The following EFCAB13 variants were observed in gnomAD, a reference collection of about 807,000 sequenced individuals.
EFCAB13 encodes EF-hand calcium binding domain 13.
In EFCAB13, 91 loss-of-function variants were observed where a neutral mutation model predicts 110.2. The ratio of observed to expected loss-of-function variants is 0.83; its 90% CI spans 0.70 to 0.98. EFCAB13 has a LOEUF of 0.98. EFCAB13 is among the 50% of genes least tolerant of loss of function. The pLI is 0.00. For missense variants in EFCAB13, 968 were observed against 1,119.4 expected (o/e 0.86, Z 1.93); for synonymous variants, 323 against 369.9 (o/e 0.87, Z 1.45).
rs138631781 is a variant in EFCAB13 at position 47,378,322 on chromosome 17, A to G, written c.1510+419A>G. ...AATACGGGGGAATTTAGAGCCAGGT[A>G]TGCTTAGCAGTTAACATTTAGATGT... On this transcript the variant is annotated intron_variant, in intron 13 of 24. Coordinates refer to ENST00000331493, the MANE Select transcript of EFCAB13 (RefSeq NM_152347.5). 1.5e-3 allele frequency among the ~76,000 whole-genome samples: 235 copies of G among 152,348 alleles called. 1 individual carries two copies. The highest frequency in any genetic ancestry group is 5.4e-3 in the African/African-American group (224 of 41,588).
chr17:47,345,130 A>G (rs1339157565), intron 8 of EFCAB13, 32 bp downstream of exon 8: 2 of 1,480,616 alleles, frequency 1.4e-6, no homozygotes, highest in African/African-American at 1.4e-5. Context: ...TCTTGAATAC[A>G]TTTCCTGGTT....
At chr17:47,400,609 C>T (rs1204863957) in intron 17 of EFCAB13, among the ~76,000 whole-genome samples, 2 of 151,072 alleles carry the variant, frequency 1.3e-5, no homozygotes, top group East Asian at 3.9e-4. Context: ...TTGCCTCTCT[C>T]CCTCCCTTCC....
chr17:47,361,340 C>A, intron 9 of EFCAB13, 38 bp from the exon 10 acceptor site: 1 of 1,598,684 alleles, frequency 6.3e-7, no homozygotes, highest in Non-Finnish European at 8.5e-7. Context: ...CCAAGAAAAG[C>A]TGTTGATTCT....
rs1185635132 is a variant in EFCAB13 at position 47,351,311 on chromosome 17, G to A, written c.661+3360G>A. ...TGTGTGTGTGTGTGTGTGTGCGCGC[G>A]CGCGCGCGCGCGCGCGCCACGTTTT... is the stretch of plus-strand genomic sequence containing the variant. On this transcript the variant is annotated intron_variant, in intron 9 of 24. Transcript: ENST00000331493. Among the ~76,000 whole-genome samples, 5 of 111,444 alleles carry A rather than the reference G, an allele frequency of 4.5e-5. 1 individual carries two copies. The highest frequency in any genetic ancestry group is 1.6e-4 in the African/African-American group (5 of 31,520). The allele number at this position is 111,444 out of a possible 152,430, so 73.1% of individuals were successfully genotyped here.
At chr17:47,344,392 G>T in intron 7 of EFCAB13, 100 bp downstream of exon 7, 2 of 1,372,552 alleles carry the variant, frequency 1.5e-6, no homozygotes, top group Non-Finnish European at 2.0e-6. Flanking sequence ...ATATGAAGTA[G>T]TTTATGCTAA....
chr17:47,405,793 G>T (rs940127861), intron 20 of EFCAB13, among the ~76,000 whole-genome samples: 2 of 151,096 alleles, frequency 1.3e-5, no homozygotes, highest in Non-Finnish European at 1.5e-5. Flanking sequence ...TATCTTTAGC[G>T]TTTCTATTTA....
chr17:47,357,301 G>A (rs866056342), intron 9 of EFCAB13, among the ~76,000 whole-genome samples: 70 of 152,306 alleles, frequency 4.6e-4, no homozygotes, highest in Middle Eastern at 3.4e-3. Flanking sequence ...AAAAGTTCAC[G>A]ATGTGAGTGT....
chr17:47,344,146 T>C lies in EFCAB13; in HGVS notation c.304-16T>C. On this transcript the variant is annotated splice_polypyrimidine_tract_variant and intron_variant, in intron 6 of 24. Coordinates refer to ENST00000331493, the MANE Select transcript of EFCAB13 (RefSeq NM_152347.5). ...TCACTCACCTCAGGCACCAACATAC[T>C]TGCATTTGGCTCTAGATTATCCCTC... 1 of 1,609,552 alleles carries C rather than the reference T, an allele frequency of 6.2e-7. No homozygotes were observed. The highest frequency in any genetic ancestry group is 1.1e-5 in the South Asian group (1 of 90,552).
intron 21 of EFCAB13, among the ~76,000 whole-genome samples, chr17:47,410,236 G>T (rs1354510473): frequency 6.6e-6 from 1 of 152,178 alleles, no homozygotes; most frequent in Non-Finnish European, 1.5e-5. Context: ...AGGCAGAAGG[G>T]CAAGAAAGTT....
intron 23 of EFCAB13, among the ~76,000 whole-genome samples, chr17:47,418,723 G>A (rs1449650700): frequency 6.6e-6 from 1 of 152,150 alleles, no homozygotes; most frequent in Non-Finnish European, 1.5e-5. Flanking sequence ...GTTAATTTTT[G>A]TATGTGGTGT....
chr17:47,439,867 G>A (rs1490901309), intron 24 of EFCAB13, among the ~76,000 whole-genome samples: 1 of 150,932 alleles, frequency 6.6e-6, no homozygotes, highest in African/African-American at 2.4e-5. Flanking sequence ...TTTCTCCTAA[G>A]AACCAGTTTT....
Position 47,342,033 on chromosome 17 carries a change from G to T in EFCAB13, c.303+1G>T, listed in dbSNP as rs1403356348. The T allele has an allele frequency of 2.6e-6, 4 of 1,532,572 alleles. No homozygotes were observed. Among genetic ancestry groups the T allele is most frequent in the Non-Finnish European group, 3.5e-6 (4 of 1,130,444 alleles). The allele number at this position is 1,532,572 out of a possible 1,614,324, so 94.9% of individuals were successfully genotyped here. A position where few individuals can be genotyped will look rare whatever the true frequency, so the allele number is the denominator to read the frequency against. ...ACAACAGCACAGTAAAAGAACTGAG[G>T]TAAATAAAGATTTGGAAATTTTTCT... On this transcript the variant is annotated splice_donor_variant, in intron 6 of 24. Transcript: ENST00000331493. LOFTEE classifies it high-confidence loss of function.
intron 10 of EFCAB13, 89 bp from the exon 11 acceptor site, chr17:47,370,348 A>G (rs1264825734): frequency 8.8e-6 from 8 of 904,616 alleles, no homozygotes; most frequent in African/African-American, 1.7e-5. Context: ...TACTTGCCAC[A>G]CATTCTGTGT....
chr17:47,371,062 GTTTT>G (rs779767798), intron 11 of EFCAB13, among the ~76,000 whole-genome samples: 1 of 108,996 alleles, frequency 9.2e-6, no homozygotes, highest in Non-Finnish European at 1.8e-5. Flanking sequence ...TTTAATGGTT[GTTTT>G]TTTTTTTTTT....
intron 20 of EFCAB13, 72 bp downstream of exon 20, chr17:47,404,705 C>A: frequency 8.4e-7 from 1 of 1,193,232 alleles, no homozygotes; most frequent in East Asian, 2.4e-5. Flanking sequence ...TAGTAAAACC[C>A]TAAATTTGGT....
At chr17:47,386,438 G>T (rs532371539) in intron 14 of EFCAB13, among the ~76,000 whole-genome samples, 2 of 152,220 alleles carry the variant, frequency 1.3e-5, no homozygotes, top group East Asian at 3.9e-4. Flanking sequence ...CCTTTTTAGC[G>T]CTGTCAGGGG....
Position 47,434,485 on chromosome 17 carries a change from C to G in EFCAB13, c.2638+4524C>G, listed in dbSNP as rs149821929. Among the ~76,000 whole-genome samples, 825 of 152,190 alleles carry G rather than the reference C, an allele frequency of 5.4e-3. 5 individuals are homozygous for G. The highest frequency in any genetic ancestry group is 7.4e-3 in the Non-Finnish European group (504 of 67,984). ...TTACCGTACTGCCAAAAGCAATCTACAGATTCACTGCAATTCCCATCAAAG... is the reference window on the plus strand; with the variant it reads ...TTACCGTACTGCCAAAAGCAATCTAGAGATTCACTGCAATTCCCATCAAAG... On this transcript the variant is annotated intron_variant, in intron 24 of 24. Coordinates refer to ENST00000331493, the MANE Select transcript of EFCAB13 (RefSeq NM_152347.5).
intron 9 of EFCAB13, among the ~76,000 whole-genome samples, chr17:47,357,635 G>A (rs572947925): frequency 9.9e-5 from 15 of 152,246 alleles, no homozygotes; most frequent in African/African-American, 1.9e-4. Flanking sequence ...GGCTGGTCTC[G>A]AACTCCTAAC....
At chr17:47,378,114 C>T (rs905621525) in intron 13 of EFCAB13, among the ~76,000 whole-genome samples, 1 of 152,074 alleles carries the variant, frequency 6.6e-6, no homozygotes, top group Admixed American at 6.6e-5. Flanking sequence ...TTCGTATTTC[C>T]AGATCATTTC....
Sources: allele counts gnomAD v4.1 joint callset (sites outside exome capture counted in the v4.1 genomes callset), GRCh38; gene constraint gnomAD v4.1.1; transcripts MANE v1.5; gene names NCBI Gene and HGNC (gene_info 2026-07-23, HGNC 2026-07-21).